Variants in HSF1 observed in about 807,000 individuals in gnomAD.
HSF1 encodes the protein heat shock transcription factor 1.
In HSF1, 32 loss-of-function variants were observed where a neutral mutation model predicts 51.7. The observed-to-expected ratio is 0.62, with a 90% CI of 0.47 to 0.83. The LOEUF (loss-of-function observed/expected upper bound fraction) is 0.83. Among genes scored for constraint, HSF1 ranks in the 40% least tolerant of loss-of-function variants. The probability of loss-of-function intolerance (pLI) is 0.00; values close to 1 mark genes in which losing one functional copy is unlikely to be tolerated. For missense variants in HSF1, 727 were observed against 717.0 expected (o/e 1.01, Z -0.16); for synonymous variants, 396 against 309.7 (o/e 1.28, Z -2.92).
Position 144,311,686 on chromosome 8 carries a change from G to A in HSF1, c.724-14G>A. ...CCTGCCGGCACTGCATGGACCTCCT[G>A]CCTTTGATTGCAGGCCCCCTCCCCA... On this transcript the variant is annotated splice_polypyrimidine_tract_variant and intron_variant, in intron 7 of 12. Coordinates refer to ENST00000528838, the MANE Select transcript of HSF1 (RefSeq NM_005526.4). The A allele has an allele frequency of 6.2e-7, 1 of 1,609,060 alleles. No individual in the cohort carries two copies. The highest frequency in any genetic ancestry group is 8.5e-7 in the Non-Finnish European group (1 of 1,177,656).
At chr8:144,304,039 C>T (rs940055313) in intron 1 of HSF1, among the ~76,000 whole-genome samples, 2 of 152,166 alleles carry the variant, frequency 1.3e-5, no homozygotes, top group African/African-American at 4.8e-5. Context: ...TTCTTGGCCA[C>T]GTGCACCAGG....
At chr8:144,306,090 G>A (rs560284296) in intron 1 of HSF1, among the ~76,000 whole-genome samples, 4 of 152,158 alleles carry the variant, frequency 2.6e-5, no homozygotes, top group Admixed American at 1.3e-4. Context: ...TTTTGATTTC[G>A]GGCTTCTTTA....
At chr8:144,296,762 G>A (rs1257224066) in intron 1 of HSF1, among the ~76,000 whole-genome samples, 5 of 150,964 alleles carry the variant, frequency 3.3e-5, no homozygotes, top group East Asian at 1.9e-4. Context: ...AGCTGAGATC[G>A]CGCCATTGCA....
chr8:144,309,049 G>A (rs1554843783), intron 2 of HSF1, 35 bp downstream of exon 2: 2 of 1,475,154 alleles, frequency 1.4e-6, no homozygotes, highest in Non-Finnish European at 1.9e-6. Flanking sequence ...AGGGGTGCGG[G>A]AGGCAGACCT....
chr8:144,305,825 C>A (rs1233248721), intron 1 of HSF1, among the ~76,000 whole-genome samples: 1 of 148,664 alleles, frequency 6.7e-6, no homozygotes, highest in Non-Finnish European at 1.5e-5. Flanking sequence ...CTCTGCCTCC[C>A]GGGTTCAAAC....
chr8:144,312,600 T>C (rs1470643548), intron 9 of HSF1: 1 of 1,521,904 alleles, frequency 6.6e-7, no homozygotes, highest in Non-Finnish European at 8.8e-7. Flanking sequence ...CTGCCTGCAA[T>C]GGGGGCTCTT....
In HSF1 at chr8:144,298,440, T is replaced by C. The variant is rs1442495388; in HGVS notation, c.117+6566T>C. Among the ~76,000 whole-genome samples the C allele has an allele frequency of 4.3e-4, 37 of 86,820 alleles. No individual in the cohort carries two copies. In the South Asian group the frequency reaches 0.015, roughly 36 times the overall value. The allele number at this position is 86,820 out of a possible 152,430, so 57.0% of individuals were successfully genotyped here. On this transcript the variant is annotated intron_variant, in intron 1 of 12. Coordinates refer to ENST00000528838, the MANE Select transcript of HSF1 (RefSeq NM_005526.4). The stretch of plus-strand genomic sequence containing the variant: ...GGTGAAACCCCGTCTCTACTAAAAA[T>C]ACAAAAAAAAAAAAAATAGCCAGGC...
Position 144,311,226 on chromosome 8 carries a change from C to T in HSF1, c.541C>T (p.Gln181Ter). Reference sequence around the variant, plus strand: ...GGCCAGCCTTCGGCAGAAGCATGCCCAGCAACAGAAAGTCGTCAACAAGGT... The same window carrying T: ...GGCCAGCCTTCGGCAGAAGCATGCCTAGCAACAGAAAGTCGTCAACAAGGT... Reference protein sequence around the residue: ...EVASLRQKHAQQQKVVNKLIQ... With the variant: ...EVASLRQKHA The change falls in exon 5 of 13, where the codon CAG becomes TAG. Residue 181 changes from glutamine (Q) to a stop codon, truncating the protein, a stop_gained. Coordinates refer to ENST00000528838, the MANE Select transcript of HSF1 (RefSeq NM_005526.4). LOFTEE classifies it high-confidence loss of function. 2 of 1,612,402 alleles carry T rather than the reference C, an allele frequency of 1.2e-6. No individual in the cohort carries two copies. Among genetic ancestry groups the T allele is most frequent in the Non-Finnish European group, 1.7e-6 (2 of 1,179,616 alleles).
rs1817098907 is a variant in HSF1, at chr8:144,314,557, C to G, written c.*227C>G. 1.7e-6 allele frequency: 1 copy of G among 588,232 alleles called. No homozygotes were observed. 36.4% of individuals were successfully genotyped at this position (588,232 alleles called of 1,614,324 possible). The stretch of plus-strand genomic sequence containing the variant: ...GTCCTGTGGTTTGGTTGGGGCTTCA[C>G]AGCCACACCTGGACTGACCCTGCAG... On this transcript the variant is annotated 3_prime_UTR_variant, in exon 13 of 13. Transcript: ENST00000528838.
At chr8:144,298,160 G>A (rs1189256836) in intron 1 of HSF1, among the ~76,000 whole-genome samples, 3 of 152,182 alleles carry the variant, frequency 2.0e-5, no homozygotes, top group Non-Finnish European at 4.4e-5. Flanking sequence ...GAGGCAGGAA[G>A]ATGAGAGAGA....
At chr8:144,313,652 GCCT>G (rs782186591) in intron 10 of HSF1, 36 bp downstream of exon 10, 5 of 241,520 alleles carry the variant, frequency 2.1e-5, no homozygotes, top group African/African-American at 1.8e-4. Flanking sequence ...TCCCCGCCCC[GCCT>G]CCCCGCCGCG....
At chr8:144,313,168 T>C (rs746913556) in intron 9 of HSF1, 99 of 383,672 alleles carry the variant, frequency 2.6e-4, no homozygotes, top group Non-Finnish European at 4.4e-4. Context: ...CCCCACCTGT[T>C]TTCCCAGTGC....
intron 1 of HSF1, among the ~76,000 whole-genome samples, chr8:144,305,500 A>G (rs1287453365): frequency 6.6e-6 from 1 of 150,906 alleles, no homozygotes; most frequent in East Asian, 2.0e-4. Flanking sequence ...ATGGGGTTTG[A>G]CCATGTTGGC....
chr8:144,294,319 GCA>G (rs1554840938), intron 1 of HSF1, among the ~76,000 whole-genome samples: 4 of 152,240 alleles, frequency 2.6e-5, no homozygotes, highest in African/African-American at 9.6e-5. Context: ...CTCCCTGTCA[GCA>G]GAGTCCCAAC....
In HSF1 at chr8:144,297,825, A is replaced by G. The variant is rs1554841556; in HGVS notation, c.117+5951A>G. 6.6e-6 allele frequency among the ~76,000 whole-genome samples: 1 copy of G among 152,212 alleles called. No homozygotes were observed. Among genetic ancestry groups the G allele is most frequent in the Non-Finnish European group, 1.5e-5 (1 of 68,038 alleles). On this transcript the variant is annotated intron_variant, in intron 1 of 12. Coordinates refer to ENST00000528838, the MANE Select transcript of HSF1 (RefSeq NM_005526.4). The surrounding 1 kb of genome is among the most constrained non-coding windows in gnomAD (Gnocchi z 4.6). Reference sequence around the variant, plus strand: ...GGCCTGGGCTGTGGGGCCACCTTGTAGAATACGGCACTGTTCACGTTTTGG... The same window carrying G: ...GGCCTGGGCTGTGGGGCCACCTTGTGGAATACGGCACTGTTCACGTTTTGG...
chr8:144,301,104 A>G (rs1554842178), intron 1 of HSF1, among the ~76,000 whole-genome samples: 1 of 152,196 alleles, frequency 6.6e-6, no homozygotes, highest in Admixed American at 6.5e-5. Context: ...TCCAGAAAAC[A>G]GTGGGGAAGA....
intron 9 of HSF1, chr8:144,312,798 C>A: frequency 1.6e-6 from 2 of 1,239,470 alleles, no homozygotes; most frequent in African/African-American, 1.5e-5. Flanking sequence ...CCAGCCTGGC[C>A]GGGCATGAGC....
intron 7 of HSF1, 47 bp downstream of exon 7, chr8:144,311,648 G>A (rs782312907): frequency 1.2e-6 from 2 of 1,611,576 alleles, no homozygotes; most frequent in Admixed American, 1.7e-5. Context: ...AGGCGGCAGT[G>A]GGGTGGGTTG....
rs376825383 is a variant in HSF1 at position 144,313,492 on chromosome 8, C to T, written c.1143-19C>T. 1.3e-6 allele frequency: 2 copies of T among 1,546,200 alleles called. No individual in the cohort carries two copies. On this transcript the variant is annotated intron_variant, in intron 9 of 12. Coordinates refer to ENST00000528838, the MANE Select transcript of HSF1 (RefSeq NM_005526.4). ...GGGGCCTGGGGCACTGGTTCAGGTA[C>T]CGCCTTATCCCGGGCCAGGAATGAG...
Sources: allele counts gnomAD v4.1 joint callset (sites outside exome capture counted in the v4.1 genomes callset), GRCh38; gene constraint gnomAD v4.1.1; non-coding constraint Gnocchi (gnomAD v3.1); transcripts MANE v1.5; gene names NCBI Gene and HGNC (gene_info 2026-07-23, HGNC 2026-07-21).